Variants in INIP observed in about 807,000 individuals in gnomAD.
INIP encodes INTS3 and NABP interacting protein, also known as SOSS complex subunit C.
In INIP, 9 loss-of-function variants were observed where a neutral mutation model predicts 14.0. That is an observed-to-expected ratio of 0.64 (90% CI 0.39 to 1.12). INIP has a LOEUF of 1.12. INIP is among the 50% of genes most tolerant of loss of function. The probability of loss-of-function intolerance (pLI) is 0.01; values close to 1 mark genes in which losing one functional copy is unlikely to be tolerated. For synonymous variants in INIP, 37 were observed against 41.5 expected (o/e 0.89, Z 0.41); for missense variants, 78 against 122.7 (o/e 0.64, Z 1.72).
intron 3 of INIP, among the ~76,000 whole-genome samples, chr9:112,692,776 C>T (rs1302628067): frequency 7.3e-5 from 11 of 150,364 alleles, no homozygotes; most frequent in Admixed American, 2.0e-4. Context: ...CAGTGGCTAA[C>T]GCTTGTAATC....
intron 2 of INIP, among the ~76,000 whole-genome samples, chr9:112,709,621 C>A (rs1212353277): frequency 6.6e-6 from 1 of 152,190 alleles, no homozygotes. Context: ...TTATTATTAT[C>A]TAGCATTCTT....
intron 2 of INIP, among the ~76,000 whole-genome samples, chr9:112,715,047 C>T (rs568597022): frequency 6.6e-6 from 1 of 151,512 alleles, no homozygotes; most frequent in Non-Finnish European, 1.5e-5. Context: ...AACACTTATT[C>T]TATTTTATGA....
intron 3 of INIP, among the ~76,000 whole-genome samples, chr9:112,693,402 C>A (rs1421777255): frequency 6.6e-6 from 1 of 152,182 alleles, no homozygotes; most frequent in Non-Finnish European, 1.5e-5. Context: ...GCCAACAAGC[C>A]TTACTCCATT....
Position 112,687,181 on chromosome 9 carries a change from G to A in INIP, c.*357C>T, listed in dbSNP as rs1211941348. 1 of 167,910 alleles carries A rather than the reference G, an allele frequency of 6.0e-6. No individual in the cohort carries two copies. Among genetic ancestry groups the A allele is most frequent in the African/African-American group, 2.4e-5 (1 of 42,084 alleles). 10.4% of individuals were successfully genotyped at this position (167,910 alleles called of 1,614,324 possible). On this transcript the variant is annotated 3_prime_UTR_variant, in exon 5 of 5. Coordinates refer to ENST00000374242, the MANE Select transcript of INIP (RefSeq NM_021218.3). Reference sequence around the variant, plus strand: ...AGCAGCCTTGTTTCTTTAAAGTTAAGTACTATAAATGATTCTTGAAAATCT... The same window carrying A: ...AGCAGCCTTGTTTCTTTAAAGTTAAATACTATAAATGATTCTTGAAAATCT...
At chr9:112,700,972 GAT>G (rs954019626) in intron 2 of INIP, among the ~76,000 whole-genome samples, 1 of 151,734 alleles carries the variant, frequency 6.6e-6, no homozygotes, top group Non-Finnish European at 1.5e-5. Flanking sequence ...ACAGAAAACA[GAT>G]ATATATATAT....
rs182720933 is a variant in INIP, at chr9:112,715,242, C to T, written c.25+1219G>A. ...ATTTACCATGCATGGATGCATGGAG[C>T]TTTCAGGACTGAAGCTGCTCTGGGT... On this transcript the variant is annotated intron_variant, in intron 2 of 4. Transcript: ENST00000374242. 1.6e-3 allele frequency among the ~76,000 whole-genome samples: 238 copies of T among 151,812 alleles called. 2 individuals carry two copies. Among genetic ancestry groups the T allele is most frequent in the African/African-American group, 5.4e-3 (224 of 41,426 alleles).
chr9:112,693,634 A>C (rs1027103730), intron 3 of INIP, among the ~76,000 whole-genome samples: 1 of 152,198 alleles, frequency 6.6e-6, no homozygotes, highest in African/African-American at 2.4e-5. Context: ...GGTCCCTCCC[A>C]ATAAGAACTA....
chr9:112,701,798 C>G (rs994043230), intron 2 of INIP: 6 of 151,804 alleles, frequency 4.0e-5, no homozygotes, highest in Non-Finnish European at 5.9e-5. Context: ...ATTTGTAATC[C>G]TAGTGCTTTG....
At chr9:112,707,805 T>G (rs1838527778) in intron 2 of INIP, among the ~76,000 whole-genome samples, 1 of 152,232 alleles carries the variant, frequency 6.6e-6, no homozygotes, top group Admixed American at 6.5e-5. Flanking sequence ...TCTTCACAAC[T>G]ATATAGTACA....
intron 4 of INIP, among the ~76,000 whole-genome samples, chr9:112,689,095 T>C (rs1201371180): frequency 1.3e-5 from 2 of 151,892 alleles, no homozygotes; most frequent in Non-Finnish European, 2.9e-5. Context: ...AGCTATGAAA[T>C]ATTTCCTGCA....
At position 112,689,695 on chromosome 9, in the gene INIP, TTC is replaced by T. The variant is rs1425510228; in HGVS notation, c.129-80_129-79del. On this transcript the variant is annotated intron_variant, in intron 3 of 4. Transcript: ENST00000374242. ...TTTTTTTGGATGGTAGTAAATTATC[TTC>T]TTTTTTTTAAATTGAGGTATCCTTG... The T allele has an allele frequency of 3.1e-4, 337 of 1,078,062 alleles. 1 individual carries two copies. The highest frequency in any genetic ancestry group is 2.4e-3 in the Middle Eastern group (12 of 4,954). 66.8% of individuals were successfully genotyped at this position (1,078,062 alleles called of 1,614,324 possible).
At chr9:112,715,133 T>TACAC (rs58647648) in intron 2 of INIP, among the ~76,000 whole-genome samples, 2,709 of 133,372 alleles carry the variant, frequency 0.02, 33 homozygotes, top group South Asian at 0.051. Context: ...CATACATACA[T>TACAC]ACACACACAC....
At chr9:112,716,881 G>T (rs1010289818) in intron 1 of INIP, among the ~76,000 whole-genome samples, 2 of 151,692 alleles carry the variant, frequency 1.3e-5, no homozygotes, top group African/African-American at 2.4e-5. Context: ...CTTGAACCCG[G>T]GTGGCGGAGG....
Position 112,699,537 on chromosome 9 carries a change from T to C in INIP, c.26-5304A>G, listed in dbSNP as rs146283962. ...GTTATAATTGTTAATTGTATTATTA[T>C]TGTTGTTAATCTCTTACTGTGTCTA... On this transcript the variant is annotated intron_variant, in intron 2 of 4. Transcript: ENST00000374242. Among the ~76,000 whole-genome samples the C allele has an allele frequency of 4.3e-4, 66 of 152,296 alleles. No individual in the cohort carries two copies. In the East Asian group the frequency reaches 0.012, roughly 28 times the overall value.
intron 2 of INIP, among the ~76,000 whole-genome samples, chr9:112,695,853 GAGAAGAAGA>G (rs148002688): frequency 6.7e-6 from 1 of 150,056 alleles, no homozygotes; most frequent in East Asian, 2.1e-4. Context: ...GAAGAAGAAG[GAGAAGAAGA>G]AGGAGAAGAA....
Position 112,685,765 on chromosome 9 carries a change from G to A in INIP, c.*1773C>T, listed in dbSNP as rs893473144. On this transcript the variant is annotated 3_prime_UTR_variant, in exon 5 of 5. Coordinates refer to ENST00000374242, the MANE Select transcript of INIP (RefSeq NM_021218.3). Reference sequence around the variant, plus strand: ...CTACCATAAGGAGGCCCAAGGAGTAGTTGGATGGACCTGAGGAAGGACAGG... The same window carrying A: ...CTACCATAAGGAGGCCCAAGGAGTAATTGGATGGACCTGAGGAAGGACAGG... The A allele has an allele frequency of 1.3e-5, 2 of 152,272 alleles. No individual in the cohort carries two copies. The highest frequency in any genetic ancestry group is 2.4e-5 in the African/African-American group (1 of 41,462). The allele number at this position is 152,272 out of a possible 1,614,324, so 9.4% of individuals were successfully genotyped here. A position where few individuals can be genotyped will look rare whatever the true frequency, so the allele number is the denominator to read the frequency against.
intron 2 of INIP, among the ~76,000 whole-genome samples, chr9:112,709,679 T>C (rs755165540): frequency 1.4e-4 from 22 of 152,220 alleles, no homozygotes; most frequent in East Asian, 3.8e-4. Flanking sequence ...TCATCCCACA[T>C]TGACAATTCT....
intron 3 of INIP, among the ~76,000 whole-genome samples, chr9:112,691,663 C>T (rs972674425): frequency 7.2e-5 from 11 of 152,224 alleles, no homozygotes; most frequent in Non-Finnish European, 1.0e-4. Context: ...AGATAGTCTC[C>T]TCCTACTGTG....
chr9:112,689,625 G>A lies in INIP; in HGVS notation c.129-8C>T, dbSNP rs1230299725. 6.2e-7 allele frequency: 1 copy of A among 1,608,746 alleles called. No homozygotes were observed. Among genetic ancestry groups the A allele is most frequent in the Non-Finnish European group, 8.5e-7 (1 of 1,175,162 alleles). Reference sequence around the variant, plus strand: ...GGTCTCGAGAGTGCAATGCTAAAATGGGAATCTTGGTTACTCAGCTGCTTA... The same window carrying A: ...GGTCTCGAGAGTGCAATGCTAAAATAGGAATCTTGGTTACTCAGCTGCTTA... On this transcript the variant is annotated splice_polypyrimidine_tract_variant and splice_region_variant and intron_variant, in intron 3 of 4. Transcript: ENST00000374242.
Sources: gnomAD v4.1 joint callset for allele counts (sites outside exome capture counted in the v4.1 genomes callset) on GRCh38, gnomAD v4.1.1 for gene constraint, MANE v1.5 for transcripts, NCBI Gene and HGNC (gene_info 2026-07-23, HGNC 2026-07-21) for gene names.